The following DAAM1 variants were observed in gnomAD, a reference collection of about 807,000 sequenced individuals.
DAAM1 encodes the protein dishevelled associated activator of morphogenesis 1, also known as disheveled-associated activator of morphogenesis 1.
A neutral mutation model predicts 130.0 loss-of-function variants in DAAM1; 52 were observed. The observed-to-expected ratio is 0.40, with a 90% CI of 0.32 to 0.50. The LOEUF (loss-of-function observed/expected upper bound fraction) is 0.50. Among genes scored for constraint, DAAM1 ranks in the 20% least tolerant of loss-of-function variants. The probability of loss-of-function intolerance (pLI) is 0.61; values close to 1 mark genes in which losing one functional copy is unlikely to be tolerated. For synonymous variants in DAAM1, 452 were observed against 444.5 expected (o/e 1.02, Z -0.21); for missense variants, 1,134 against 1,303.8 (o/e 0.87, Z 2.01).
At chr14:59,351,580 C>T (rs146120027) in intron 17 of DAAM1, among the ~76,000 whole-genome samples, 1 of 152,254 alleles carries the variant, frequency 6.6e-6, no homozygotes, top group Non-Finnish European at 1.5e-5. Flanking sequence ...CAGCCTCACA[C>T]AACACCTGCC....
At chr14:59,260,281 A>T (rs1182807223) in intron 1 of DAAM1, among the ~76,000 whole-genome samples, 1 of 152,180 alleles carries the variant, frequency 6.6e-6, no homozygotes, top group East Asian at 1.9e-4. Context: ...TTTAAATCTC[A>T]CTTTATTAAT....
intron 1 of DAAM1, among the ~76,000 whole-genome samples, chr14:59,211,824 T>C (rs1204601474): frequency 6.6e-6 from 1 of 152,214 alleles, no homozygotes; most frequent in Non-Finnish European, 1.5e-5. Flanking sequence ...CACAGAATAA[T>C]GATTTTAAAC....
chr14:59,223,197 G>A (rs890002352), intron 1 of DAAM1, among the ~76,000 whole-genome samples: 5 of 152,232 alleles, frequency 3.3e-5, no homozygotes, highest in African/African-American at 1.2e-4. Flanking sequence ...TAACTTACTT[G>A]TGCCTTCAGG....
At chr14:59,273,422 ATG>A (rs1230563738) in intron 2 of DAAM1, among the ~76,000 whole-genome samples, 2 of 152,326 alleles carry the variant, frequency 1.3e-5, no homozygotes, top group East Asian at 3.9e-4. Context: ...AAACATGAAA[ATG>A]TTGTTTTTAA....
chr14:59,347,710 T>C (rs1886137140), intron 17 of DAAM1, 87 bp downstream of exon 17: 1 of 1,288,340 alleles, frequency 7.8e-7, no homozygotes, highest in Non-Finnish European at 1.1e-6. Flanking sequence ...TTGTTGCTAG[T>C]GGATCATTTC....
chr14:59,272,639 A>G (rs148043301), intron 2 of DAAM1, among the ~76,000 whole-genome samples: 23 of 118,016 alleles, frequency 1.9e-4, no homozygotes, highest in Non-Finnish European at 3.0e-4. Context: ...ACATACACAC[A>G]TATATATGTA....
chr14:59,335,351 A>C (rs1885586156), intron 15 of DAAM1, among the ~76,000 whole-genome samples: 1 of 152,226 alleles, frequency 6.6e-6, no homozygotes, highest in Admixed American at 6.5e-5. Flanking sequence ...AGTTCATTTG[A>C]AAGTCAATGT....
chr14:59,228,971 G>A (rs568371563), intron 1 of DAAM1, among the ~76,000 whole-genome samples: 104 of 152,222 alleles, frequency 6.8e-4, no homozygotes, highest in African/African-American at 2.4e-3. Context: ...AAGTTACATT[G>A]TATTTAGAAA....
At chr14:59,271,876 T>C (rs2139523129) in intron 2 of DAAM1, among the ~76,000 whole-genome samples, 1 of 152,228 alleles carries the variant, frequency 6.6e-6, no homozygotes, top group South Asian at 2.1e-4. Flanking sequence ...TGACTAACAA[T>C]AGAAAGTAAC....
intron 1 of DAAM1, among the ~76,000 whole-genome samples, chr14:59,258,278 C>A (rs1258293038): frequency 6.6e-6 from 1 of 152,160 alleles, no homozygotes; most frequent in African/African-American, 2.4e-5. Context: ...AACATCTCTA[C>A]CTTTACCAGC....
At position 59,368,647 on chromosome 14, in the gene DAAM1, C is replaced by T. The variant is rs1594857348; in HGVS notation, c.2998-3C>T. On this transcript the variant is annotated splice_region_variant and splice_polypyrimidine_tract_variant and intron_variant, in intron 24 of 24. Transcript: ENST00000360909. ...CAAAGAGGTTATTTCTTTCTATTTGCAGCTCAAAGAACAACGTGAAAGGGA... is the reference window on the plus strand; with the variant it reads ...CAAAGAGGTTATTTCTTTCTATTTGTAGCTCAAAGAACAACGTGAAAGGGA... 8 of 1,610,010 alleles carry T rather than the reference C, an allele frequency of 5.0e-6. No homozygotes were observed. Among genetic ancestry groups the T allele is most frequent in the Non-Finnish European group, 5.9e-6 (7 of 1,178,136 alleles).
chr14:59,363,478 C>A, intron 22 of DAAM1, 173 bp from the exon 23 acceptor site: 1 of 833,756 alleles, frequency 1.2e-6, no homozygotes, highest in Non-Finnish European at 1.8e-6. Flanking sequence ...ATGGCTTTGG[C>A]ATGGTGGGAG....
intron 1 of DAAM1, among the ~76,000 whole-genome samples, chr14:59,208,549 A>T (rs866743250): frequency 6.6e-6 from 1 of 152,160 alleles, no homozygotes; most frequent in Non-Finnish European, 1.5e-5. Flanking sequence ...CAACTCTCTC[A>T]GGAGGTCCAG....
At chr14:59,245,062 C>G (rs933370815) in intron 1 of DAAM1, among the ~76,000 whole-genome samples, 7 of 151,628 alleles carry the variant, frequency 4.6e-5, no homozygotes, top group African/African-American at 1.7e-4. Context: ...GACGGGGGGG[C>G]CAGGGGAAAG....
At chr14:59,333,914 C>T (rs1395789174) in intron 15 of DAAM1, among the ~76,000 whole-genome samples, 1 of 152,182 alleles carries the variant, frequency 6.6e-6, no homozygotes, top group Non-Finnish European at 1.5e-5. Context: ...GAAAGCCTAG[C>T]AATTGGGTAA....
chr14:59,319,027 T>G (rs1026165197), intron 4 of DAAM1, among the ~76,000 whole-genome samples: 2 of 152,184 alleles, frequency 1.3e-5, no homozygotes, highest in Non-Finnish European at 2.9e-5. Flanking sequence ...AGCTACAGAT[T>G]CAAAGTGATT....
chr14:59,265,815 A>T (rs1298708829), intron 2 of DAAM1: 1 of 152,362 alleles, frequency 6.6e-6, no homozygotes, highest in Non-Finnish European at 1.5e-5. Flanking sequence ...AGGGTGGAGG[A>T]GGAAAGGCAA....
chr14:59,207,213 C>G (rs1888286141), intron 1 of DAAM1, among the ~76,000 whole-genome samples: 1 of 152,116 alleles, frequency 6.6e-6, no homozygotes, highest in African/African-American at 2.4e-5. Flanking sequence ...TTAATATTTT[C>G]AAGGGCCGTA....
Position 59,324,227 on chromosome 14 carries a change from G to A in DAAM1, c.874G>A (p.Gly292Ser). 7.0e-7 allele frequency: 1 copy of A among 1,436,088 alleles called. No individual in the cohort carries two copies. Among genetic ancestry groups the A allele is most frequent in the Non-Finnish European group, 9.2e-7 (1 of 1,090,364 alleles). 89.0% of individuals were successfully genotyped at this position (1,436,088 alleles called of 1,614,324 possible). Residue 292 changes from glycine (G) to serine (S), a missense_variant, in exon 7 of 25, where the codon GGT (glycine) becomes AGT (serine). Transcript: ENST00000360909. Reference sequence around the variant, plus strand: ...CTTCATTAATGCAGTGCTCAGCCAAGGTGCAGGAGTGGTAAGAACCTTCTA... The same window carrying A: ...CTTCATTAATGCAGTGCTCAGCCAAAGTGCAGGAGTGGTAAGAACCTTCTA... ...MSFINAVLSQ[G>S]AGVESLDFRL...
Sources: allele counts gnomAD v4.1 joint callset (sites outside exome capture counted in the v4.1 genomes callset), GRCh38; gene constraint gnomAD v4.1.1; transcripts MANE v1.5; gene names NCBI Gene and HGNC (gene_info 2026-07-23, HGNC 2026-07-21).